Variants in HSD17B3 observed in about 807,000 individuals in gnomAD.
HSD17B3 encodes the protein 17-beta-hydroxysteroid dehydrogenase type 3.
A neutral mutation model predicts 41.1 loss-of-function variants in HSD17B3; 29 were observed. The observed-to-expected ratio is 0.71, with a 90% CI of 0.53 to 0.96. HSD17B3 has a LOEUF of 0.96. Ranked by LOEUF, HSD17B3 falls within the 40% of genes least tolerant of loss-of-function variation. The pLI, the probability that HSD17B3 is intolerant of heterozygous loss-of-function variation, is 0.00. For synonymous variants in HSD17B3, 126 were observed against 145.6 expected, an observed-to-expected ratio of 0.87 and a Z score of 0.97; for missense variants, 323 against 374.6, an observed-to-expected ratio of 0.86 and a Z score of 1.14.
In HSD17B3 at chr9:96,274,474, A is replaced by G. The variant is rs117678810; in HGVS notation, c.202-19531T>C. On this transcript the variant is annotated intron_variant, in intron 2 of 10. Coordinates refer to ENST00000375263, the MANE Select transcript of HSD17B3 (RefSeq NM_000197.2). Reference sequence around the variant, plus strand: ...AGACTCCATCTCAAAATAAATAAATAAAAGAACACAGATAGACAACTCAAC... The same window carrying G: ...AGACTCCATCTCAAAATAAATAAATGAAAGAACACAGATAGACAACTCAAC... Among the ~76,000 whole-genome samples, 73 of 152,318 alleles carry G rather than the reference A, an allele frequency of 4.8e-4. No homozygotes were observed. In the East Asian group the frequency reaches 0.014, roughly 29 times the overall value.
At chr9:96,300,562 G>A (rs1233060014) in intron 1 of HSD17B3, among the ~76,000 whole-genome samples, 1 of 103,764 alleles carries the variant, frequency 9.6e-6, no homozygotes, top group Non-Finnish European at 2.1e-5. Flanking sequence ...ATTTTGCCTA[G>A]ATAATATCTC....
chr9:96,300,247 C>T (rs1483856898), intron 1 of HSD17B3, among the ~76,000 whole-genome samples: 1 of 151,504 alleles, frequency 6.6e-6, no homozygotes, highest in East Asian at 1.9e-4. Flanking sequence ...CACACACACA[C>T]ACACACGCAC....
chr9:96,238,577 G>T (rs1007103715), intron 10 of HSD17B3, among the ~76,000 whole-genome samples: 1 of 152,086 alleles, frequency 6.6e-6, no homozygotes, highest in Non-Finnish European at 1.5e-5. Flanking sequence ...CAGGAGAATC[G>T]CTGGAACCTG....
chr9:96,280,230 A>G (rs1826634695), intron 2 of HSD17B3, among the ~76,000 whole-genome samples: 1 of 152,186 alleles, frequency 6.6e-6, no homozygotes, highest in Admixed American at 6.5e-5. Context: ...GGCCAAGAGA[A>G]GGGGTCCATT....
intron 2 of HSD17B3, among the ~76,000 whole-genome samples, chr9:96,276,715 G>T (rs1011278302): frequency 1.9e-4 from 29 of 152,282 alleles, no homozygotes; most frequent in African/African-American, 6.3e-4. Flanking sequence ...GCAGAAAAAT[G>T]AAAGTGGAAC....
intron 1 of HSD17B3, among the ~76,000 whole-genome samples, chr9:96,299,943 G>A (rs943992409): frequency 4.6e-5 from 7 of 151,916 alleles, no homozygotes; most frequent in African/African-American, 1.7e-4. Context: ...TATCCATCTT[G>A]ACTCATAAAA....
intron 9 of HSD17B3, 46 bp downstream of exon 9, chr9:96,244,283 C>T (rs748120503): frequency 5.6e-6 from 9 of 1,595,074 alleles, no homozygotes; most frequent in Non-Finnish European, 7.7e-6. Flanking sequence ...CACAGCCGCC[C>T]ACCTCACCTG....
Position 96,235,503 on chromosome 9 carries a change from G to C in HSD17B3, c.890C>G (p.Thr297Arg). The C allele has an allele frequency of 6.2e-7, 1 of 1,614,134 alleles. No homozygotes were observed. The highest frequency in any genetic ancestry group is 8.5e-7 in the Non-Finnish European group (1 of 1,180,018). Residue 297 changes from threonine (T) to arginine (R), a missense_variant, in exon 11 of 11, where the codon ACA becomes AGA. Physicochemically the swap from Thr to Arg is moderately conservative, Grantham distance 71 (BLOSUM62 -1). Transcript: ENST00000375263. The stretch of plus-strand genomic sequence containing the variant: ...GAGCTTCAGGTATGCCACATAGTGT[G>C]TCAGGAGCAGCCTTTGGAAGGCACC... ...YSGAFQRLLL[T>R]HYVAYLKLNT...
intron 10 of HSD17B3, among the ~76,000 whole-genome samples, chr9:96,237,395 G>C (rs1836275263): frequency 6.6e-6 from 1 of 152,154 alleles, no homozygotes. Flanking sequence ...GCCAGCTGTT[G>C]CAGCTCTGAG....
chr9:96,291,404 C>A lies in HSD17B3; in HGVS notation c.201+7012G>T, dbSNP rs558266412. Among the ~76,000 whole-genome samples, 10 of 149,448 alleles carry A rather than the reference C, an allele frequency of 6.7e-5. No homozygotes were observed. In the South Asian group the frequency reaches 1.9e-3, roughly 29 times the overall value. ...CTCTCCACAAGTGGAGAATTGAGCC[C>A]CCACTCCACCTGGTAGAAACTAGTC... On this transcript the variant is annotated intron_variant, in intron 2 of 10. Transcript: ENST00000375263.
chr9:96,262,025 TAGGA>T (rs1825879016), intron 2 of HSD17B3, among the ~76,000 whole-genome samples: 1 of 152,046 alleles, frequency 6.6e-6, no homozygotes, highest in Admixed American at 6.5e-5. Flanking sequence ...TTGTTTCTCC[TAGGA>T]AGGATCAGTG....
chr9:96,254,907 G>A lies in HSD17B3; in HGVS notation c.238C>T (p.Arg80Trp), dbSNP rs119481077. Residue 80 changes from arginine to tryptophan, a missense_variant, in exon 3 of 11, where the codon CGG (arginine) becomes TGG (tryptophan). Coordinates refer to ENST00000375263, the MANE Select transcript of HSD17B3 (RefSeq NM_000197.2). Reference sequence around the variant, plus strand: ...ATGGCCTCTAGTTTTTCCAGCGTCCGGCTAATAAGGACAACATTGAGTCCA... The same window carrying A: ...ATGGCCTCTAGTTTTTCCAGCGTCCAGCTAATAAGGACAACATTGAGTCCA... The part of the protein sequence containing the change: ...KRGLNVVLIS[R>W]TLEKLEAIAT... 22 of 1,613,892 alleles carry A rather than the reference G, an allele frequency of 1.4e-5. No homozygotes were observed. The highest frequency in any genetic ancestry group is 1.6e-4 in the Middle Eastern group (1 of 6,084).
intron 3 of HSD17B3, 92 bp downstream of exon 3, chr9:96,254,776 T>G (rs955149702): frequency 4.7e-6 from 5 of 1,062,644 alleles, no homozygotes; most frequent in Non-Finnish European, 7.3e-6. Context: ...TGAGAGCAGA[T>G]GTGGGGATGC....
chr9:96,236,687 T>C (rs1210466202), intron 10 of HSD17B3, among the ~76,000 whole-genome samples: 2 of 152,098 alleles, frequency 1.3e-5, no homozygotes, highest in Non-Finnish European at 2.9e-5. Flanking sequence ...ATTATCAACA[T>C]GCAGCACTTG....
At chr9:96,281,304 G>C (rs756527290) in intron 2 of HSD17B3, among the ~76,000 whole-genome samples, 1 of 151,926 alleles carries the variant, frequency 6.6e-6, no homozygotes, top group African/African-American at 2.4e-5. Context: ...AGAAGCCCCC[G>C]ACCCAAAAAA....
chr9:96,254,425 T>C (rs941323867), intron 3 of HSD17B3, among the ~76,000 whole-genome samples: 4 of 152,214 alleles, frequency 2.6e-5, no homozygotes, highest in Non-Finnish European at 4.4e-5. Context: ...AAAAATGTAA[T>C]TATTTTTAAA....
intron 2 of HSD17B3, among the ~76,000 whole-genome samples, chr9:96,260,814 A>AC (rs1825827658): frequency 6.6e-6 from 1 of 152,196 alleles, no homozygotes; most frequent in African/African-American, 2.4e-5. Context: ...AGTAGCAACT[A>AC]AGAGGAATGT....
chr9:96,239,723 A>T (rs1341289716), intron 10 of HSD17B3: 1 of 152,240 alleles, frequency 6.6e-6, no homozygotes, highest in African/African-American at 2.4e-5. Flanking sequence ...GATGATGGGT[A>T]AGTGAGGAAA....
At chr9:96,299,957 G>A (rs1234780328) in intron 1 of HSD17B3, among the ~76,000 whole-genome samples, 1 of 152,004 alleles carries the variant, frequency 6.6e-6, no homozygotes, top group African/African-American at 2.4e-5. Context: ...CATAAAAACA[G>A]GTTAAGATCA....
Sources: gnomAD v4.1 joint callset for allele counts (sites outside exome capture counted in the v4.1 genomes callset) on GRCh38, gnomAD v4.1.1 for gene constraint, MANE v1.5 for transcripts, NCBI Gene and HGNC (gene_info 2026-07-23, HGNC 2026-07-21) for gene names.